GALNT13: variants seen among roughly 807,000 people sequenced by gnomAD.
GALNT13 encodes the protein UDP-GalNAc:polypeptide N-acetylgalactosaminyltransferase 13.
A neutral mutation model predicts 64.2 loss-of-function variants in GALNT13; 28 were observed. The observed-to-expected ratio is 0.44, with a 90% CI of 0.32 to 0.60. The LOEUF (loss-of-function observed/expected upper bound fraction) is 0.60, where lower values mean the gene tolerates loss of function less well. GALNT13 is among the 20% of genes least tolerant of loss of function. GALNT13 has a pLI of 0.05. For missense variants in GALNT13, 577 were observed against 669.8 expected, an observed-to-expected ratio of 0.86 and a Z score of 1.53; for synonymous variants, 214 against 224.6, an observed-to-expected ratio of 0.95 and a Z score of 0.42.
At chr2:153,310,931 C>G in the GALNT13 span, among the ~76,000 whole-genome samples, 1 of 152,178 alleles carries the variant, frequency 6.6e-6, no homozygotes, top group African/African-American at 2.4e-5. Flanking sequence ...AGGATCAATT[C>G]CTATCTGGGA....
chr2:153,472,460 A>G, the GALNT13 span, among the ~76,000 whole-genome samples: 4,779 of 152,228 alleles, frequency 0.031, 98 homozygotes, highest in Middle Eastern at 0.071. Flanking sequence ...TTGTGGTTCA[A>G]ATGGAAAGGA....
At chr2:153,608,466 C>T in the GALNT13 span, among the ~76,000 whole-genome samples, 3 of 151,680 alleles carry the variant, frequency 2.0e-5, no homozygotes, top group African/African-American at 7.3e-5. Context: ...TACTCGCCAC[C>T]GTGTATAGTT....
At chr2:153,484,048 A>C in the GALNT13 span, among the ~76,000 whole-genome samples, 1 of 152,214 alleles carries the variant, frequency 6.6e-6, no homozygotes, top group African/African-American at 2.4e-5. Flanking sequence ...GTACTTTACC[A>C]CAATAAAATA....
At chr2:154,055,991 A>G (rs1446812134) in intron 3 of GALNT13, among the ~76,000 whole-genome samples, 1 of 152,130 alleles carries the variant, frequency 6.6e-6, no homozygotes, top group Non-Finnish European at 1.5e-5. Flanking sequence ...AAGAAGTTTT[A>G]TCTTTGTAGT....
chr2:153,233,572 G>T, the GALNT13 span, among the ~76,000 whole-genome samples: 1 of 151,610 alleles, frequency 6.6e-6, no homozygotes, highest in African/African-American at 2.4e-5. Context: ...TGTGGATTAT[G>T]ACTTTAATAT....
chr2:153,261,484 T>C, the GALNT13 span, among the ~76,000 whole-genome samples: 1 of 152,164 alleles, frequency 6.6e-6, no homozygotes. Flanking sequence ...CTCCCTGGAT[T>C]ACCAGGTAGA....
the GALNT13 span, among the ~76,000 whole-genome samples, chr2:153,375,634 T>C: frequency 6.6e-6 from 1 of 152,224 alleles, no homozygotes; most frequent in Admixed American, 6.5e-5. Flanking sequence ...AATTATCTTT[T>C]TGTTTCTAGC....
the GALNT13 span, among the ~76,000 whole-genome samples, chr2:153,555,363 T>A: frequency 1.5e-5 from 2 of 137,008 alleles, no homozygotes; most frequent in Admixed American, 1.5e-4. Context: ...CCCGGCTAAT[T>A]TTTTGTATTT....
chr2:153,708,164 GAAAA>G, the GALNT13 span, among the ~76,000 whole-genome samples: 1 of 149,630 alleles, frequency 6.7e-6, no homozygotes, highest in East Asian at 2.0e-4. Context: ...ATTTTAGAAT[GAAAA>G]AAAAAGTATT....
the GALNT13 span, among the ~76,000 whole-genome samples, chr2:153,647,355 C>G: frequency 4.5e-4 from 68 of 152,118 alleles, no homozygotes; most frequent in African/African-American, 1.6e-3. Context: ...ATTGTAGATT[C>G]TGGATATTAG....
the GALNT13 span, among the ~76,000 whole-genome samples, chr2:153,529,864 TAAA>T: frequency 6.6e-6 from 1 of 151,932 alleles, no homozygotes; most frequent in South Asian, 2.1e-4. Flanking sequence ...TCCTCCATGA[TAAA>T]ACCCTTCAAA....
At chr2:153,792,834 CA>C in the GALNT13 span, among the ~76,000 whole-genome samples, 1 of 151,944 alleles carries the variant, frequency 6.6e-6, no homozygotes, top group Non-Finnish European at 1.5e-5. Flanking sequence ...AATTGTTCTG[CA>C]AAAAAGTCGT....
chr2:153,185,082 G>A, the GALNT13 span, among the ~76,000 whole-genome samples: 3 of 152,100 alleles, frequency 2.0e-5, no homozygotes, highest in Admixed American at 2.0e-4. Context: ...CTGTGAATCT[G>A]TTTGGCCCTG....
intron 4 of GALNT13, chr2:154,236,208 AAC>A (rs1689183663): frequency 1.1e-5 from 11 of 1,010,880 alleles, no homozygotes; most frequent in Non-Finnish European, 1.3e-5. Flanking sequence ...ATAAGATATA[AAC>A]ACACAAAGAG....
In GALNT13 at chr2:154,432,866, C is replaced by A. The variant is rs192824306; in HGVS notation, c.1396-5726C>A. Among the ~76,000 whole-genome samples the A allele has an allele frequency of 7.9e-4, 120 of 152,274 alleles. 1 individual carries two copies. The highest frequency in any genetic ancestry group is 2.4e-3 in the African/African-American group (100 of 41,546). On this transcript the variant is annotated intron_variant, in intron 11 of 12. Transcript: ENST00000392825. ...GGTGGTTAGTACTTCAATATATCAT[C>A]TGGGGAGCCACAGTTCAACCCATAA...
chr2:153,874,966 T>C (rs1212174645), intron 1 of GALNT13, among the ~76,000 whole-genome samples: 1 of 152,112 alleles, frequency 6.6e-6, no homozygotes, highest in Non-Finnish European at 1.5e-5. Context: ...TTTGGGTGAA[T>C]ACTTTCATGT....
chr2:153,725,322 G>T, the GALNT13 span, among the ~76,000 whole-genome samples: 2 of 151,424 alleles, frequency 1.3e-5, no homozygotes, highest in East Asian at 2.0e-4. Context: ...GGGGAGAGGG[G>T]GGAGGGATAG....
intron 10 of GALNT13, among the ~76,000 whole-genome samples, chr2:154,401,419 T>C (rs1468524404): frequency 1.3e-5 from 2 of 152,284 alleles, no homozygotes; most frequent in African/African-American, 4.8e-5. Context: ...GACATTTTTC[T>C]GTTCATTTTA....
intron 3 of GALNT13, among the ~76,000 whole-genome samples, chr2:154,105,638 G>A (rs1488866772): frequency 3.3e-5 from 5 of 152,124 alleles, no homozygotes; most frequent in Non-Finnish European, 4.4e-5. Flanking sequence ...ATTGTTAAGT[G>A]ATGCATGACT....
Sources: allele counts gnomAD v4.1 joint callset (sites outside exome capture counted in the v4.1 genomes callset), GRCh38; gene constraint gnomAD v4.1.1; transcripts MANE v1.5; gene names NCBI Gene and HGNC (gene_info 2026-07-23, HGNC 2026-07-21).